The following KLHL7 variants were observed in gnomAD, a reference collection of about 807,000 sequenced individuals.
KLHL7 encodes kelch-like protein 7.
A neutral mutation model predicts 67.4 loss-of-function variants in KLHL7; 44 were observed. That is an observed-to-expected ratio of 0.65 (90% CI 0.51 to 0.84). The LOEUF (loss-of-function observed/expected upper bound fraction) is 0.84, where lower values mean the gene tolerates loss of function less well. Among genes scored for constraint, KLHL7 ranks in the 40% least tolerant of loss-of-function variants. The pLI, the probability that KLHL7 is intolerant of heterozygous loss-of-function variation, is 0.00. For synonymous variants in KLHL7, 252 were observed against 243.3 expected (o/e 1.04, Z -0.33); for missense variants, 362 against 718.1 (o/e 0.50, Z 5.67).
In KLHL7 at chr7:23,143,883, C is replaced by G; in HGVS notation, c.651C>G (p.Tyr217Ter). The change falls in exon 6 of 11, where the codon TAC becomes TAG. Residue 217 changes from tyrosine to a stop codon, truncating the protein, a stop_gained. Transcript: ENST00000339077. LOFTEE classifies it high-confidence loss of function. ...VYDAAVRWLK[Y>*]DEPNRQPFMV... The stretch of plus-strand genomic sequence containing the variant: ...ATGCTGCAGTCAGGTGGTTGAAATA[C>G]GATGAACCTAATCGCCAGCCATTTA... 1.2e-6 allele frequency: 2 copies of G among 1,614,088 alleles called. No homozygotes were observed. Among genetic ancestry groups the G allele is most frequent in the Non-Finnish European group, 8.5e-7 (1 of 1,179,982 alleles).
At chr7:23,147,046 A>T in intron 6 of KLHL7, among the ~76,000 whole-genome samples, 1 of 144,690 alleles carries the variant, frequency 6.9e-6, no homozygotes, top group African/African-American at 2.5e-5. Flanking sequence ...TTTTGTTGTC[A>T]TTGTAAATTG....
At chr7:23,140,583 A>C in intron 4 of KLHL7, 186 bp from the exon 5 acceptor site, 1 of 681,024 alleles carries the variant, frequency 1.5e-6, no homozygotes. Flanking sequence ...AAAAACAAAA[A>C]AAAAACCAGT....
intron 7 of KLHL7, among the ~76,000 whole-genome samples, chr7:23,152,943 A>G (rs1784584981): frequency 6.6e-6 from 1 of 152,178 alleles, no homozygotes; most frequent in Non-Finnish European, 1.5e-5. Flanking sequence ...CAAACTTGCA[A>G]GGTGATATCC....
At chr7:23,128,305 TAGTGAGA>T (rs1783657639) in intron 4 of KLHL7, among the ~76,000 whole-genome samples, 1 of 150,476 alleles carries the variant, frequency 6.6e-6, no homozygotes, top group Non-Finnish European at 1.5e-5. Flanking sequence ...AGGAAGCCAC[TAGTGAGA>T]AGATAAAAGA....
chr7:23,143,313 CT>C (rs1784250953), intron 5 of KLHL7, among the ~76,000 whole-genome samples: 1 of 152,098 alleles, frequency 6.6e-6, no homozygotes, highest in Admixed American at 6.5e-5. Flanking sequence ...GAAGACAATT[CT>C]TTTGAATATC....
At chr7:23,113,249 TTTTGAAGA>T (rs1782949597) in intron 1 of KLHL7, among the ~76,000 whole-genome samples, 1 of 152,216 alleles carries the variant, frequency 6.6e-6, no homozygotes, top group African/African-American at 2.4e-5. Context: ...CTGTCAGTAT[TTTTGAAGA>T]TTCTTTTGAC....
intron 4 of KLHL7, among the ~76,000 whole-genome samples, chr7:23,133,640 G>A (rs990685453): frequency 3.3e-5 from 5 of 151,962 alleles, no homozygotes; most frequent in African/African-American, 1.2e-4. Context: ...CACCATGTTG[G>A]CCAGGCTGTT....
chr7:23,165,007 G>A (rs1282555684), intron 7 of KLHL7, among the ~76,000 whole-genome samples: 1 of 152,214 alleles, frequency 6.6e-6, no homozygotes, highest in Non-Finnish European at 1.5e-5. Flanking sequence ...AGCATTCTTC[G>A]ATGCTATCAA....
At chr7:23,146,733 C>T (rs1355027308) in intron 6 of KLHL7, among the ~76,000 whole-genome samples, 1 of 150,196 alleles carries the variant, frequency 6.7e-6, no homozygotes, top group African/African-American at 2.5e-5. Flanking sequence ...TAATATTTTT[C>T]CTAATATATC....
At chr7:23,162,218 A>G (rs977830715) in intron 7 of KLHL7, among the ~76,000 whole-genome samples, 1 of 152,202 alleles carries the variant, frequency 6.6e-6, no homozygotes, top group Non-Finnish European at 1.5e-5. Context: ...ATTTAGATTA[A>G]GATCTTGGGT....
chr7:23,124,130 G>T (rs1376808169), intron 2 of KLHL7, among the ~76,000 whole-genome samples: 1 of 137,604 alleles, frequency 7.3e-6, no homozygotes, highest in Non-Finnish European at 1.5e-5. Context: ...GGTGGAGGTT[G>T]CAGTGAGCCG....
At chr7:23,142,926 A>G (rs1001286687) in intron 5 of KLHL7, among the ~76,000 whole-genome samples, 6 of 152,204 alleles carry the variant, frequency 3.9e-5, no homozygotes, top group African/African-American at 1.4e-4. Flanking sequence ...TAATGTGTCA[A>G]TATTGGTTCA....
At chr7:23,139,088 T>TAAAAAAAAAAAA (rs60821313) in intron 4 of KLHL7, among the ~76,000 whole-genome samples, 1 of 129,862 alleles carries the variant, frequency 7.7e-6, no homozygotes. Flanking sequence ...TTATTAATGC[T>TAAAAAAAAAAAA]AAAAAAAAAA....
In KLHL7 at chr7:23,105,808, C is replaced by T; in HGVS notation, c.-219C>T. The T allele has an allele frequency of 1.6e-6, 1 of 628,834 alleles. No individual in the cohort carries two copies. Among genetic ancestry groups the T allele is most frequent in the East Asian group, 3.0e-5 (1 of 32,798 alleles). The allele number at this position is 628,834 out of a possible 1,614,324, so 39.0% of individuals were successfully genotyped here. On this transcript the variant is annotated 5_prime_UTR_variant, in exon 1 of 11. Transcript: ENST00000339077. The stretch of plus-strand genomic sequence containing the variant: ...TCGGGTTCTGCCCGGGGACGCAGCC[C>T]AGTTGGTAGCGTCGCTCCCTGAGCG...
chr7:23,157,667 A>G (rs1408023728), intron 7 of KLHL7, among the ~76,000 whole-genome samples: 1 of 152,118 alleles, frequency 6.6e-6, no homozygotes, highest in East Asian at 1.9e-4. Context: ...TTGTTCTAAA[A>G]TCAACTTCAC....
chr7:23,157,991 G>A (rs1784756721), intron 7 of KLHL7, among the ~76,000 whole-genome samples: 1 of 152,124 alleles, frequency 6.6e-6, no homozygotes, highest in African/African-American at 2.4e-5. Context: ...TTTGAGACAG[G>A]GTCTTGCTCT....
intron 7 of KLHL7, among the ~76,000 whole-genome samples, chr7:23,161,085 T>G (rs1438955286): frequency 1.3e-5 from 2 of 152,196 alleles, no homozygotes; most frequent in African/African-American, 4.8e-5. Flanking sequence ...TACCATATTT[T>G]TGGTACCATT....
intron 4 of KLHL7, among the ~76,000 whole-genome samples, chr7:23,127,824 G>A (rs1224726053): frequency 6.8e-6 from 1 of 147,894 alleles, no homozygotes; most frequent in African/African-American, 2.5e-5. Context: ...AGTGAGCCGA[G>A]ATCTTGCCAC....
At chr7:23,143,221 T>C (rs892846415) in intron 5 of KLHL7, among the ~76,000 whole-genome samples, 2 of 152,006 alleles carry the variant, frequency 1.3e-5, no homozygotes, top group African/African-American at 2.4e-5. Flanking sequence ...TTTTGGGGGG[T>C]GTTTAATGAT....
Sources: gnomAD v4.1 joint callset for allele counts (sites outside exome capture counted in the v4.1 genomes callset) on GRCh38, gnomAD v4.1.1 for gene constraint, MANE v1.5 for transcripts, NCBI Gene and HGNC (gene_info 2026-07-23, HGNC 2026-07-21) for gene names.